Variants in MARCHF1 observed in about 807,000 individuals in gnomAD.
MARCHF1 encodes the protein membrane associated ring-CH-type finger 1, also known as E3 ubiquitin-protein ligase MARCHF1.
In MARCHF1, 40 loss-of-function variants were observed where a neutral mutation model predicts 54.2. The ratio of observed to expected loss-of-function variants is 0.74; its 90% CI spans 0.57 to 0.96. The LOEUF (loss-of-function observed/expected upper bound fraction) is 0.96, where lower values mean the gene tolerates loss of function less well. Among genes scored for constraint, MARCHF1 ranks in the 40% least tolerant of loss-of-function variants. The pLI is 0.00. For missense variants in MARCHF1, 586 were observed against 656.5 expected, an observed-to-expected ratio of 0.89 and a Z score of 1.17; for synonymous variants, 236 against 236.3, an observed-to-expected ratio of 1.00 and a Z score of 0.01.
intron 1 of MARCHF1, among the ~76,000 whole-genome samples, chr4:164,253,687 G>C (rs1376552306): frequency 2.6e-5 from 4 of 152,012 alleles, no homozygotes; most frequent in Admixed American, 6.6e-5. Context: ...ATTGATTCTA[G>C]AGAAATGAAA....
chr4:164,073,646 T>C (rs572276288), intron 2 of MARCHF1, among the ~76,000 whole-genome samples: 181 of 151,934 alleles, frequency 1.2e-3, no homozygotes, highest in Admixed American at 2.1e-3. Flanking sequence ...TAAAAATAAA[T>C]AAATAAATAA....
At chr4:163,934,308 GA>G (rs139951704) in intron 3 of MARCHF1, among the ~76,000 whole-genome samples, 14,577 of 151,974 alleles carry the variant, frequency 0.096, 721 homozygotes, top group Non-Finnish European at 0.1. Flanking sequence ...TTATCCATAA[GA>G]AAGCAACTCC....
chr4:163,629,467 G>A (rs1030314956), intron 5 of MARCHF1, among the ~76,000 whole-genome samples: 2 of 151,998 alleles, frequency 1.3e-5, no homozygotes, highest in African/African-American at 2.4e-5. Context: ...GAAGAAAACT[G>A]AGGCAATACC....
At chr4:164,099,615 G>A (rs1398050181) in intron 2 of MARCHF1, among the ~76,000 whole-genome samples, 1 of 151,880 alleles carries the variant, frequency 6.6e-6, no homozygotes, top group African/African-American at 2.4e-5. Flanking sequence ...ATTCAAAGCA[G>A]GACAAAAGGT....
chr4:163,817,306 CAT>C (rs532739930), intron 4 of MARCHF1, among the ~76,000 whole-genome samples: 3 of 149,896 alleles, frequency 2.0e-5, no homozygotes, highest in Non-Finnish European at 3.0e-5. Context: ...TACATACATA[CAT>C]ATATATGTAC....
chr4:164,001,382 G>A (rs2110918098), intron 2 of MARCHF1, among the ~76,000 whole-genome samples: 1 of 151,728 alleles, frequency 6.6e-6, no homozygotes, highest in South Asian at 2.1e-4. Context: ...CATAAAATCA[G>A]GTAATAATAT....
At chr4:164,274,037 AT>A (rs34653440) in intron 1 of MARCHF1, among the ~76,000 whole-genome samples, 94,851 of 149,864 alleles carry the variant, frequency 0.63, 31,476 homozygotes, top group Non-Finnish European at 0.76. Context: ...CAAAATCACT[AT>A]TTTTTTTTTT....
At chr4:164,007,381 A>G (rs1579456081) in intron 2 of MARCHF1, among the ~76,000 whole-genome samples, 3 of 150,394 alleles carry the variant, frequency 2.0e-5, no homozygotes. Context: ...AGAAAGAAAA[A>G]AAAAGCAAAC....
chr4:164,278,037 G>A (rs1351446327), intron 1 of MARCHF1, among the ~76,000 whole-genome samples: 6 of 152,146 alleles, frequency 3.9e-5, no homozygotes, highest in Non-Finnish European at 1.5e-5. Context: ...AAACTGGCCA[G>A]GTACTGTGGC....
intron 3 of MARCHF1, among the ~76,000 whole-genome samples, chr4:163,982,640 G>A (rs1261976406): frequency 6.6e-6 from 1 of 152,160 alleles, no homozygotes; most frequent in Non-Finnish European, 1.5e-5. Flanking sequence ...ACAAGGATTG[G>A]TTTTAAAGAA....
At chr4:164,018,913 C>T (rs1434050452) in intron 2 of MARCHF1, among the ~76,000 whole-genome samples, 1 of 152,160 alleles carries the variant, frequency 6.6e-6, no homozygotes, top group Non-Finnish European at 1.5e-5. Flanking sequence ...TAAGTTTTAC[C>T]TTTAAAATCC....
At chr4:164,081,018 C>CTAACACAG (rs1755085216) in intron 2 of MARCHF1, among the ~76,000 whole-genome samples, 1 of 149,648 alleles carries the variant, frequency 6.7e-6, no homozygotes, top group East Asian at 2.0e-4. Context: ...ACCATCCTGG[C>CTAACACAG]TAACACAGTG....
chr4:164,141,187 T>A, intron 1 of MARCHF1, among the ~76,000 whole-genome samples: 1 of 152,146 alleles, frequency 6.6e-6, no homozygotes. Flanking sequence ...TCCTTATCCT[T>A]CCTTTGTGGC....
chr4:164,348,185 T>TC (rs11419848), intron 1 of MARCHF1, among the ~76,000 whole-genome samples: 1 of 122,888 alleles, frequency 8.1e-6, no homozygotes, highest in East Asian at 3.8e-4. Flanking sequence ...AGTATGCTTC[T>TC]TTTTTTTTGT....
chr4:164,326,010 C>T (rs1735271665), intron 1 of MARCHF1, among the ~76,000 whole-genome samples: 1 of 152,128 alleles, frequency 6.6e-6, no homozygotes, highest in Admixed American at 6.5e-5. Context: ...CCAAAACTTT[C>T]AATTTTAATA....
intron 2 of MARCHF1, among the ~76,000 whole-genome samples, chr4:164,053,168 A>C (rs1273185461): frequency 6.6e-6 from 1 of 152,180 alleles, no homozygotes; most frequent in African/African-American, 2.4e-5. Flanking sequence ...AGTACAGTGA[A>C]AAGCTCTTTT....
intron 1 of MARCHF1, among the ~76,000 whole-genome samples, chr4:164,292,278 T>C (rs1183540504): frequency 6.6e-6 from 1 of 152,164 alleles, no homozygotes; most frequent in East Asian, 1.9e-4. Context: ...TTTCTCATAA[T>C]TAAAGTCTAA....
At chr4:163,801,959 G>T (rs1487593463) in intron 4 of MARCHF1, among the ~76,000 whole-genome samples, 3 of 151,882 alleles carry the variant, frequency 2.0e-5, no homozygotes, top group African/African-American at 4.8e-5. Flanking sequence ...CGTTGTTTTG[G>T]GGGTGGGGAA....
intron 4 of MARCHF1, among the ~76,000 whole-genome samples, chr4:163,849,826 A>C (rs1298894223): frequency 6.6e-6 from 1 of 152,164 alleles, no homozygotes; most frequent in Non-Finnish European, 1.5e-5. Context: ...GAGCAAAAGC[A>C]AACCTTTATC....
Sources: allele counts gnomAD v4.1 joint callset (sites outside exome capture counted in the v4.1 genomes callset), GRCh38; gene constraint gnomAD v4.1.1; transcripts MANE v1.5; gene names NCBI Gene and HGNC (gene_info 2026-07-23, HGNC 2026-07-21).